Variants in HMCN2 observed in about 807,000 individuals in gnomAD.
HMCN2 encodes the protein hemicentin 2, also known as hemicentin-2.
Under a neutral mutation model 377.5 loss-of-function variants are expected in HMCN2, and 325 were observed. That is an observed-to-expected ratio of 0.86 (90% CI 0.79 to 0.94). HMCN2 has a LOEUF of 0.94. Ranked by LOEUF, HMCN2 falls within the 40% of genes least tolerant of loss-of-function variation. HMCN2 has a pLI of 0.00. For synonymous variants in HMCN2, 2,007 were observed against 2,046.8 expected (o/e 0.98, Z 0.53); for missense variants, 4,543 against 4,725.3 (o/e 0.96, Z 1.13).
chr9:130,295,835 C>T (rs548684456), intron 6 of HMCN2, 63 bp downstream of exon 6: 1 of 453,326 alleles, frequency 2.2e-6, no homozygotes, highest in South Asian at 1.6e-5. Context: ...CCATCTTCCT[C>T]CTACTTGCCC....
chr9:130,307,903 A>T (rs976650591), intron 14 of HMCN2, among the ~76,000 whole-genome samples: 5 of 152,198 alleles, frequency 3.3e-5, no homozygotes, highest in African/African-American at 1.2e-4. Context: ...TTGCGTGAAG[A>T]TTAAATGAGT....
chr9:130,367,574 C>CT (rs1477824885), intron 43 of HMCN2, among the ~76,000 whole-genome samples: 2 of 152,096 alleles, frequency 1.3e-5, no homozygotes, highest in Non-Finnish European at 2.9e-5. Flanking sequence ...GCCACTGTAG[C>CT]TAAGTGGATG....
At chr9:130,274,622 T>A (rs1367030624) in intron 1 of HMCN2, among the ~76,000 whole-genome samples, 4 of 152,232 alleles carry the variant, frequency 2.6e-5, no homozygotes, top group African/African-American at 9.6e-5. Context: ...AATATTCTAC[T>A]ACTACTCTCA....
chr9:130,339,314 A>G (rs1394360018), intron 23 of HMCN2, among the ~76,000 whole-genome samples: 1 of 152,146 alleles, frequency 6.6e-6, no homozygotes, highest in Non-Finnish European at 1.5e-5. Flanking sequence ...AAGTGGAGGG[A>G]GCCTGCCTGG....
intron 22 of HMCN2, among the ~76,000 whole-genome samples, chr9:130,331,333 G>A (rs944720837): frequency 1.3e-5 from 2 of 152,248 alleles, no homozygotes; most frequent in South Asian, 4.2e-4. Context: ...CTTGCGGGAC[G>A]GTCCCAGAAG....
intron 1 of HMCN2, among the ~76,000 whole-genome samples, chr9:130,282,140 C>G (rs114083961): frequency 6.6e-6 from 1 of 152,208 alleles, no homozygotes; most frequent in African/African-American, 2.4e-5. Context: ...CATATTGAAG[C>G]AACACTGTCT....
chr9:130,281,213 T>C (rs1835101720), intron 1 of HMCN2, among the ~76,000 whole-genome samples: 2 of 152,084 alleles, frequency 1.3e-5, no homozygotes, highest in African/African-American at 4.8e-5. Flanking sequence ...TAAGAAGAGC[T>C]CTGTTCTTGA....
In HMCN2 at chr9:130,384,489, G is replaced by A; in HGVS notation, c.8947G>A (p.Asp2983Asn). 7.7e-7 allele frequency: 1 copy of A among 1,304,166 alleles called. No homozygotes were observed. The highest frequency in any genetic ancestry group is 5.5e-5 in the East Asian group (1 of 18,044). 80.8% of individuals were successfully genotyped at this position (1,304,166 alleles called of 1,614,324 possible). The change falls in exon 58 of 98, where the codon GAC becomes AAC. Residue 2983 changes from aspartate to asparagine, a missense_variant. By Grantham distance (23) the Asp-to-Asn change is conservative. Transcript: ENST00000683500. ...AAACCCCGAGGTCACGTGGTACAAG[G>A]ACAGCCAGGCCCTCTCCCTGGGTGA... ...HPNPEVTWYK[D>N]SQALSLGEEV...
intron 4 of HMCN2, among the ~76,000 whole-genome samples, chr9:130,290,303 C>T (rs1554929576): frequency 6.6e-6 from 1 of 152,198 alleles, no homozygotes; most frequent in African/African-American, 2.4e-5. Context: ...GATATGCTTA[C>T]AGGGCAGGCC....
In HMCN2 at chr9:130,430,495, T is replaced by C. The variant is rs1171679635; in HGVS notation, c.14538T>C (p.Gly4846=). ...TGCGGCCCTGGGCCTCGATCCCCGG[T>C]ACCTCCTACCACGCCTGGGTCTCTC... ...PWLRPWASIP[G]TSYHAWVSLR... Residue 4846 remains glycine, a synonymous_variant, in exon 95 of 98, where the codon GGT becomes GGC. Transcript: ENST00000683500. 1.3e-6 allele frequency: 2 copies of C among 1,550,548 alleles called. No individual in the cohort carries two copies. Among genetic ancestry groups the C allele is most frequent in the Non-Finnish European group, 1.7e-6 (2 of 1,146,932 alleles).
At chr9:130,336,161 A>G (rs1838738048) in intron 22 of HMCN2, among the ~76,000 whole-genome samples, 2 of 152,214 alleles carry the variant, frequency 1.3e-5, no homozygotes, top group Admixed American at 1.3e-4. Flanking sequence ...GAAGGAAGAG[A>G]TAAAGATCTG....
At position 130,376,549 on chromosome 9, in the gene HMCN2, C is replaced by G. The variant is rs7864096; in HGVS notation, c.7952C>G (p.Ala2651Gly). 965,511 of 985,844 alleles carry G rather than the reference C, an allele frequency of 0.98. 474,286 individuals carry two copies. Among genetic ancestry groups the G allele is most frequent in the Non-Finnish European group, 1 (826,108 of 830,050 alleles). The allele number at this position is 985,844 out of a possible 1,614,324, so 61.1% of individuals were successfully genotyped here. The change falls in exon 52 of 98, where the codon GCG (alanine) becomes GGG (glycine). Residue 2651 changes from alanine (A) to glycine (G), a missense_variant. Transcript: ENST00000683500. ...TCCATCTCCAAAGACGACCCCTTGG[C>G]GGAGGTCGGCGTGAAGGAGGTGAAG... The part of the protein sequence containing the change: ...PPSISKDDPL[A>G]EVGVKEVKTK...
chr9:130,363,139 G>T (rs1840474360), intron 40 of HMCN2, 149 bp downstream of exon 40: 2 of 366,326 alleles, frequency 5.5e-6, no homozygotes, highest in Non-Finnish European at 7.3e-6. Flanking sequence ...GAATCAGTGA[G>T]ATCCAGAGAC....
At chr9:130,417,291 G>A (rs1241077372) in intron 85 of HMCN2, among the ~76,000 whole-genome samples, 1 of 151,988 alleles carries the variant, frequency 6.6e-6, no homozygotes. Context: ...GGAGGCCGAG[G>A]AGAGTGGATC....
At chr9:130,412,896 G>GT (rs1843503600) in intron 85 of HMCN2, among the ~76,000 whole-genome samples, 1 of 152,080 alleles carries the variant, frequency 6.6e-6, no homozygotes, top group Non-Finnish European at 1.5e-5. Flanking sequence ...GATTTTTGTA[G>GT]TTTTAGTTCT....
chr9:130,397,655 G>T lies in HMCN2; in HGVS notation c.11326G>T (p.Glu3776Ter). 8.5e-6 allele frequency: 11 copies of T among 1,289,720 alleles called. No homozygotes were observed. The highest frequency in any genetic ancestry group is 2.1e-4 in the Middle Eastern group (1 of 4,682). 79.9% of individuals were successfully genotyped at this position (1,289,720 alleles called of 1,614,324 possible). A position where few individuals can be genotyped will look rare whatever the true frequency, so the allele number is the denominator to read the frequency against. Reference protein sequence around the residue: ...DRQGRDLRVLEPPAIAPSPSN... With the variant: ...DRQGRDLRVL ...TCAAGGCCGTGACCTACGGGTCTTG[G>T]GTAGGTGGCCTGGGGAAGGCCTTCA... The change falls in exon 74 of 98, where the codon GAG becomes TAG. Residue 3776 changes from glutamate to a stop codon, truncating the protein, a stop_gained and splice_region_variant. Transcript: ENST00000683500. LOFTEE classifies it high-confidence loss of function.
At chr9:130,386,371 A>G in intron 60 of HMCN2, 72 bp from the exon 61 acceptor site, 2 of 985,156 alleles carry the variant, frequency 2.0e-6, no homozygotes, top group South Asian at 1.4e-5. Flanking sequence ...GGGGGCCTAG[A>G]TGCTTTTGGG....
intron 34 of HMCN2, among the ~76,000 whole-genome samples, chr9:130,357,059 AGGATGGATGGATGGATGGAT>A (rs201419400): frequency 9.4e-6 from 1 of 106,148 alleles, no homozygotes; most frequent in African/African-American, 4.7e-5. Context: ...GATAGAAGGG[AGGATGGATGGATGGATGGAT>A]GGATGGATGG....
chr9:130,377,606 A>G (rs1841461826), intron 52 of HMCN2, 43 bp from the exon 53 acceptor site: 1 of 981,024 alleles, frequency 1.0e-6, no homozygotes, highest in Non-Finnish European at 1.2e-6. Context: ...GTGGCCCCTC[A>G]TTTCTGATCT....
Sources: gnomAD v4.1 joint callset for allele counts (sites outside exome capture counted in the v4.1 genomes callset) on GRCh38, gnomAD v4.1.1 for gene constraint, MANE v1.5 for transcripts, NCBI Gene and HGNC (gene_info 2026-07-23, HGNC 2026-07-21) for gene names.